The following EPB41L3 variants were observed in gnomAD, a reference collection of about 807,000 sequenced individuals.
The protein encoded by EPB41L3 is band 4.1-like protein 3.
EPB41L3 carries 57 observed loss-of-function variants against 127.1 expected under a neutral mutation model. The observed-to-expected ratio is 0.45, with a 90% confidence interval of 0.36 to 0.56. The LOEUF (loss-of-function observed/expected upper bound fraction) is 0.56, where lower values mean the gene tolerates loss of function less well. Among genes scored for constraint, EPB41L3 ranks in the 20% least tolerant of loss-of-function variants. The probability of loss-of-function intolerance (pLI) is 0.00; values close to 1 mark genes in which losing one functional copy is unlikely to be tolerated. For synonymous variants in EPB41L3, 572 were observed against 549.5 expected (o/e 1.04, Z -0.57); for missense variants, 1,273 against 1,372.2 (o/e 0.93, Z 1.14).
chr18:5,535,734 G>A (rs1213824781), intron 1 of EPB41L3, among the ~76,000 whole-genome samples: 1 of 152,166 alleles, frequency 6.6e-6, no homozygotes. Context: ...AATGAAGACT[G>A]GATTCCAAGT....
intron 3 of EPB41L3, among the ~76,000 whole-genome samples, chr18:5,458,870 C>T (rs2083506692): frequency 6.6e-6 from 1 of 152,114 alleles, no homozygotes; most frequent in South Asian, 2.1e-4. Flanking sequence ...AATTACATTG[C>T]TCAAGCTTAA....
intron 12 of EPB41L3, among the ~76,000 whole-genome samples, chr18:5,418,874 A>G (rs540477531): frequency 6.6e-6 from 1 of 152,274 alleles, no homozygotes; most frequent in Non-Finnish European, 1.5e-5. Flanking sequence ...AAATTTACTC[A>G]AATTTTAGGA....
intron 3 of EPB41L3, among the ~76,000 whole-genome samples, chr18:5,465,140 T>C (rs750706878): frequency 1.3e-5 from 2 of 152,230 alleles, no homozygotes; most frequent in Non-Finnish European, 2.9e-5. Flanking sequence ...CAGGACAGTG[T>C]GAGAAAAAAA....
Position 5,489,097 on chromosome 18 carries a change from C to G in EPB41L3, c.87G>C (p.Ala29=), listed in dbSNP as rs1458023429. Residue 29 remains alanine, a synonymous_variant, in exon 2 of 23, where the codon GCG becomes GCC. Transcript: ENST00000341928. ...TGGGCGGCTCCGGCACGGGCGCCCCCGCGCGCCCCTGCGCCCCCGCCGCCT... is the reference window on the plus strand; with the variant it reads ...TGGGCGGCTCCGGCACGGGCGCCCCGGCGCGCCCCTGCGCCCCCGCCGCCT... ...PQEAAGAQGR[A]GAPVPEPPKE... 1.3e-6 allele frequency: 2 copies of G among 1,595,830 alleles called. No individual in the cohort carries two copies. The highest frequency in any genetic ancestry group is 1.4e-5 in the African/African-American group (1 of 73,288).
intron 11 of EPB41L3, 85 bp from the exon 12 acceptor site, chr18:5,419,962 T>G: frequency 6.2e-7 from 1 of 1,606,320 alleles, no homozygotes; most frequent in South Asian, 1.1e-5. Flanking sequence ...AGAAATAAAA[T>G]CCAAAATAGT....
chr18:5,485,105 C>A (rs1208647450), intron 2 of EPB41L3, among the ~76,000 whole-genome samples: 2 of 151,764 alleles, frequency 1.3e-5, no homozygotes, highest in Non-Finnish European at 2.9e-5. Context: ...ACTAGCAAAC[C>A]GAATTCAACA....
chr18:5,428,104 G>A (rs1337776052), intron 9 of EPB41L3, among the ~76,000 whole-genome samples: 2 of 152,002 alleles, frequency 1.3e-5, no homozygotes, highest in Non-Finnish European at 2.9e-5. Flanking sequence ...TCCAATTAAC[G>A]TATGCAGTAG....
At chr18:5,396,031 C>T (rs776689160) in intron 19 of EPB41L3, among the ~76,000 whole-genome samples, 170 bp downstream of exon 19, 3 of 151,406 alleles carry the variant, frequency 2.0e-5, no homozygotes, top group Non-Finnish European at 2.9e-5. Context: ...TCTGCTGCTC[C>T]CTGATCACTA....
At chr18:5,436,688 G>A (rs903329044) in intron 6 of EPB41L3, among the ~76,000 whole-genome samples, 8 of 152,060 alleles carry the variant, frequency 5.3e-5, no homozygotes, top group Non-Finnish European at 8.8e-5. Flanking sequence ...GATTACAGGC[G>A]TGCGCCACCG....
At chr18:5,544,073 G>T (rs921404580), upstream of EPB41L3, 2 of 985,514 alleles carry the variant, frequency 2.0e-6, no homozygotes, top group Non-Finnish European at 2.4e-6. Context: ...AGACACCGAG[G>T]CTCCGCGGAG....
At chr18:5,402,833 A>G (rs981430191) in intron 16 of EPB41L3, among the ~76,000 whole-genome samples, 1 of 152,200 alleles carries the variant, frequency 6.6e-6, no homozygotes. Flanking sequence ...TAACAGTGTC[A>G]TTTCCTGTTG....
At position 5,529,389 on chromosome 18, in the gene EPB41L3, T is replaced by C. The variant is rs531715264; in HGVS notation, c.-12+14524A>G. 2.1e-3 allele frequency among the ~76,000 whole-genome samples: 323 copies of C among 152,272 alleles called. 3 individuals carry two copies. Among genetic ancestry groups the C allele is most frequent in the Non-Finnish European group, 4.1e-4 (28 of 68,026 alleles). On this transcript the variant is annotated intron_variant, in intron 1 of 22. Coordinates refer to ENST00000341928, the MANE Select transcript of EPB41L3 (RefSeq NM_012307.5). ...AGACATCTGTGCTTTGGTTTCTTCC[T>C]GAGCACCAGGTCCCCCCTCTGTGCG...
In EPB41L3 at chr18:5,570,428, A is replaced by C. The variant is rs191608266; in HGVS notation, c.-306+41912T>G. Among the ~76,000 whole-genome samples, 269 of 152,270 alleles carry C rather than the reference A, an allele frequency of 1.8e-3. 1 individual carries two copies. The highest frequency in any genetic ancestry group is 2.9e-3 in the Non-Finnish European group (197 of 68,016). On this transcript the variant is annotated intron_variant, in intron 3 of 21. Coordinates refer to the EPB41L3 transcript ENST00000545076. ...GGAAAGGTGTTGCTTTTCATTACTT[A>C]AAGGGAATTATGAGTTAACTAGGCT...
chr18:5,551,700 A>G (rs2093967439), intron 3 of EPB41L3, among the ~76,000 whole-genome samples: 1 of 152,224 alleles, frequency 6.6e-6, no homozygotes, highest in Non-Finnish European at 1.5e-5. Flanking sequence ...AGCCTGGGCA[A>G]CAGAGCAAGA....
rs755038593 is a variant in EPB41L3 at position 5,396,316 on chromosome 18, G to A, written c.2858C>T (p.Thr953Met). 21 of 1,613,962 alleles carry A rather than the reference G, an allele frequency of 1.3e-5. No homozygotes were observed. Among genetic ancestry groups the A allele is most frequent in the African/African-American group, 1.2e-4 (9 of 74,886 alleles). Reference sequence around the variant, plus strand: ...AACACTGCCAAAACTGATGGTTTCCGTCTTCACCGTTGAGGACTGTGCCAA... The same window carrying A: ...AACACTGCCAAAACTGATGGTTTCCATCTTCACCGTTGAGGACTGTGCCAA... ...KPHFESSTVKTETISFGSVSP... is the reference protein window; with the variant it reads ...KPHFESSTVKMETISFGSVSP... The change falls in exon 19 of 23, where the codon ACG becomes ATG. Residue 953 changes from threonine (T) to methionine (M), a missense_variant. Coordinates refer to ENST00000341928, the MANE Select transcript of EPB41L3 (RefSeq NM_012307.5).
At chr18:5,599,737 C>G (rs925078404) in intron 3 of EPB41L3, among the ~76,000 whole-genome samples, 1 of 152,102 alleles carries the variant, frequency 6.6e-6, no homozygotes, top group Non-Finnish European at 1.5e-5. Context: ...CTGAGGCTCC[C>G]AGAAGCCTAG....
At chr18:5,410,421 A>G in intron 14 of EPB41L3, 145 bp downstream of exon 14, 1 of 588,650 alleles carries the variant, frequency 1.7e-6, no homozygotes, top group Non-Finnish European at 3.1e-6. Flanking sequence ...TGGTCTAGAC[A>G]ACAAAATACA....
chr18:5,460,907 T>C (rs1190005880), intron 3 of EPB41L3, among the ~76,000 whole-genome samples: 1 of 152,174 alleles, frequency 6.6e-6, no homozygotes, highest in Non-Finnish European at 1.5e-5. Context: ...ACTGGGTGCA[T>C]TTATGTAAAA....
intron 2 of EPB41L3, among the ~76,000 whole-genome samples, chr18:5,484,086 C>CAAAAAAAAAAAACAAAAAAAAA (rs2089167530): frequency 1.6e-4 from 3 of 18,266 alleles, no homozygotes; most frequent in Non-Finnish European, 4.0e-4. Flanking sequence ...CAAACAAACT[C>CAAAAAAAAAAAACAAAAAAAAA]AAAAAAAAAA....
Sources: allele counts gnomAD v4.1 joint callset (sites outside exome capture counted in the v4.1 genomes callset), GRCh38; gene constraint gnomAD v4.1.1; transcripts MANE v1.5; gene names NCBI Gene and HGNC (gene_info 2026-07-23, HGNC 2026-07-21).